Variants in SDK1 observed in about 807,000 individuals in gnomAD.
SDK1 encodes the protein protein sidekick-1.
SDK1 carries 157 observed loss-of-function variants against 245.5 expected under a neutral mutation model. The ratio of observed to expected loss-of-function variants is 0.64; its 90% CI spans 0.56 to 0.73. The LOEUF (loss-of-function observed/expected upper bound fraction) is 0.73. Among genes scored for constraint, SDK1 ranks in the 30% least tolerant of loss-of-function variants. The probability of loss-of-function intolerance (pLI) is 0.00; values close to 1 mark genes in which losing one functional copy is unlikely to be tolerated. For missense variants in SDK1, 3,583 were observed against 3,002.3 expected, an observed-to-expected ratio of 1.19 and a Z score of -4.52; for synonymous variants, 1,647 against 1,278.5, an observed-to-expected ratio of 1.29 and a Z score of -6.15.
intron 1 of SDK1, among the ~76,000 whole-genome samples, chr7:3,347,880 C>G (rs1238306320): frequency 7.7e-6 from 1 of 130,568 alleles, no homozygotes; most frequent in Non-Finnish European, 1.6e-5. Flanking sequence ...CAGTTACAAA[C>G]ACATTAAATA....
intron 1 of SDK1, among the ~76,000 whole-genome samples, chr7:3,604,836 T>C (rs1470260984): frequency 6.6e-6 from 1 of 151,878 alleles, no homozygotes; most frequent in African/African-American, 2.4e-5. Flanking sequence ...TCCCAACTTC[T>C]GGTGATCTGC....
In SDK1 at chr7:3,474,694, C is replaced by G. The variant is rs188288750; in HGVS notation, c.299-144386C>G. On this transcript the variant is annotated intron_variant, in intron 1 of 44. Transcript: ENST00000404826. ...CCATCTCGCACCTGGGTCATTACTTCTATTTTTATTTTTTGAGACAGGGTC... is the reference window on the plus strand; with the variant it reads ...CCATCTCGCACCTGGGTCATTACTTGTATTTTTATTTTTTGAGACAGGGTC... Among the ~76,000 whole-genome samples the G allele has an allele frequency of 1.2e-4, 19 of 152,086 alleles. No individual in the cohort carries two copies. The East Asian group carries it at 3.7e-3, about 29-fold the overall frequency.
Position 3,753,690 on chromosome 7 carries a change from T to G in SDK1, c.714-67760T>G, listed in dbSNP as rs528169316. Among the ~76,000 whole-genome samples, 4 of 152,330 alleles carry G rather than the reference T, an allele frequency of 2.6e-5. 1 individual carries two copies. The highest frequency in any genetic ancestry group is 9.6e-5 in the African/African-American group (4 of 41,576). ...AGGCAAATTTTCAGGTGTCTGACTA[T>G]AGTGGGATTTTTTATTATCAATGAA... is the stretch of plus-strand genomic sequence containing the variant. On this transcript the variant is annotated intron_variant, in intron 4 of 44. Transcript: ENST00000404826.
chr7:3,899,835 C>T (rs753857921), intron 5 of SDK1, among the ~76,000 whole-genome samples: 31 of 152,362 alleles, frequency 2.0e-4, no homozygotes, highest in Non-Finnish European at 3.1e-4. Context: ...CCCCTGCCAC[C>T]CCAGGCACAC....
intron 9 of SDK1, among the ~76,000 whole-genome samples, chr7:3,965,971 C>T (rs753987898): frequency 3.3e-5 from 5 of 151,650 alleles, no homozygotes; most frequent in Middle Eastern, 3.4e-3. Flanking sequence ...GTGGCCATGA[C>T]GGGCTGGAGG....
At chr7:3,682,434 C>T (rs1356223881) in intron 4 of SDK1, among the ~76,000 whole-genome samples, 1 of 152,278 alleles carries the variant, frequency 6.6e-6, no homozygotes, top group Non-Finnish European at 1.5e-5. Flanking sequence ...ACAAATCATG[C>T]ACTGTCGTCC....
intron 1 of SDK1, among the ~76,000 whole-genome samples, chr7:3,584,660 C>A (rs1780621956): frequency 6.6e-6 from 1 of 152,134 alleles, no homozygotes; most frequent in African/African-American, 2.4e-5. Flanking sequence ...TTGGGCGTGT[C>A]CGCTGAGTGA....
At chr7:3,607,217 T>G (rs1227563007) in intron 1 of SDK1, among the ~76,000 whole-genome samples, 1 of 152,188 alleles carries the variant, frequency 6.6e-6, no homozygotes, top group Non-Finnish European at 1.5e-5. Flanking sequence ...TCCTTTTATT[T>G]TAAGGCTCAC....
chr7:3,388,651 C>T (rs1027204818), intron 1 of SDK1, among the ~76,000 whole-genome samples: 2 of 152,176 alleles, frequency 1.3e-5, no homozygotes, highest in Admixed American at 6.5e-5. Context: ...TAAGCTGTTT[C>T]GTGCATTAGT....
At chr7:3,846,358 G>A (rs1052705878) in intron 5 of SDK1, among the ~76,000 whole-genome samples, 5 of 152,178 alleles carry the variant, frequency 3.3e-5, no homozygotes, top group African/African-American at 9.7e-5. Context: ...AAATGTGCTT[G>A]GGGAATTCCA....
intron 5 of SDK1, among the ~76,000 whole-genome samples, chr7:3,838,294 C>A (rs1780072281): frequency 1.3e-5 from 2 of 152,160 alleles, no homozygotes; most frequent in Admixed American, 1.3e-4. Flanking sequence ...AGATGGGTGA[C>A]TAAAGCGAAA....
chr7:4,150,887 G>T (rs186693789), intron 30 of SDK1, among the ~76,000 whole-genome samples: 2 of 152,248 alleles, frequency 1.3e-5, no homozygotes, highest in African/African-American at 2.4e-5. Context: ...AGGGGTGGCC[G>T]ACCGGGCGTC....
chr7:3,615,392 A>T (rs998201681), intron 1 of SDK1, among the ~76,000 whole-genome samples: 2 of 151,660 alleles, frequency 1.3e-5, no homozygotes, highest in Non-Finnish European at 2.9e-5. Flanking sequence ...AATGCAGTTG[A>T]TATACAGCTT....
chr7:3,661,509 G>A (rs1170490015), intron 4 of SDK1, among the ~76,000 whole-genome samples: 1 of 152,106 alleles, frequency 6.6e-6, no homozygotes, highest in African/African-American at 2.4e-5. Context: ...AGTTGTAAAT[G>A]CCCTGGATTT....
At chr7:3,872,836 C>A (rs777632002) in intron 5 of SDK1, among the ~76,000 whole-genome samples, 1 of 151,988 alleles carries the variant, frequency 6.6e-6, no homozygotes, top group Non-Finnish European at 1.5e-5. Context: ...CTGCTTCACA[C>A]GGAGTATAAG....
At chr7:3,391,496 G>T (rs1781747676) in intron 1 of SDK1, among the ~76,000 whole-genome samples, 1 of 151,630 alleles carries the variant, frequency 6.6e-6, no homozygotes, top group Non-Finnish European at 1.5e-5. Flanking sequence ...GTTTTCTGTT[G>T]TAGAATAAAA....
At chr7:4,178,900 G>A (rs899017370) in intron 35 of SDK1, among the ~76,000 whole-genome samples, 1 of 152,256 alleles carries the variant, frequency 6.6e-6, no homozygotes, top group Non-Finnish European at 1.5e-5. Context: ...TGATGTAGGT[G>A]TGTGGGAAAT....
At chr7:3,416,819 G>A (rs1779378491) in intron 1 of SDK1, among the ~76,000 whole-genome samples, 1 of 152,130 alleles carries the variant, frequency 6.6e-6, no homozygotes. Flanking sequence ...TCTGTCAGAT[G>A]TTATTTGTGG....
intron 41 of SDK1, among the ~76,000 whole-genome samples, chr7:4,234,753 A>C (rs536083212): frequency 6.6e-6 from 1 of 152,290 alleles, no homozygotes; most frequent in African/African-American, 2.4e-5. Context: ...TTACCCCGCG[A>C]TGATTCTATC....
Sources: allele counts gnomAD v4.1 joint callset (sites outside exome capture counted in the v4.1 genomes callset), GRCh38; gene constraint gnomAD v4.1.1; transcripts MANE v1.5; gene names NCBI Gene and HGNC (gene_info 2026-07-23, HGNC 2026-07-21).